GABRG3: variants seen among roughly 807,000 people sequenced by gnomAD.
GABRG3 encodes the protein gamma-aminobutyric acid receptor subunit gamma-3.
In GABRG3, 25 loss-of-function variants were observed where a neutral mutation model predicts 48.8. The ratio of observed to expected loss-of-function variants is 0.51; its 90% CI spans 0.37 to 0.72. The LOEUF is 0.72. Ranked by LOEUF, GABRG3 falls within the 30% of genes least tolerant of loss-of-function variation. The pLI is 0.00. For synonymous variants in GABRG3, 227 were observed against 217.6 expected (o/e 1.04, Z -0.38); for missense variants, 394 against 577.9 (o/e 0.68, Z 3.26).
rs150063960 is a variant in GABRG3, at chr15:27,275,695, A to G, written c.271-51114A>G. 9.2e-4 allele frequency among the ~76,000 whole-genome samples: 140 copies of G among 152,346 alleles called. 1 individual carries two copies. The highest frequency in any genetic ancestry group is 3.1e-3 in the African/African-American group (128 of 41,580). ...AAATGTATCTTCTTGTTAAGAACAG[A>G]CAAATGATCAGTTGTCCTCAGTGTG... On this transcript the variant is annotated intron_variant, in intron 3 of 9. Coordinates refer to ENST00000615808, the MANE Select transcript of GABRG3 (RefSeq NM_033223.5).
chr15:26,997,655 G>A (rs1204147222), intron 2 of GABRG3, among the ~76,000 whole-genome samples: 1 of 152,100 alleles, frequency 6.6e-6, no homozygotes, highest in African/African-American at 2.4e-5. Flanking sequence ...GCCTAGGTCA[G>A]CATTATCTTC....
At chr15:27,343,749 G>A (rs1016636799) in intron 5 of GABRG3, among the ~76,000 whole-genome samples, 3 of 152,280 alleles carry the variant, frequency 2.0e-5, no homozygotes, top group African/African-American at 7.2e-5. Context: ...CTAAAGCCGT[G>A]TCTCAAAGAA....
intron 6 of GABRG3, among the ~76,000 whole-genome samples, chr15:27,504,772 A>G (rs1282326390): frequency 6.6e-6 from 1 of 152,072 alleles, no homozygotes; most frequent in Non-Finnish European, 1.5e-5. Flanking sequence ...CTAGTGATCA[A>G]TTCAGCTTTC....
chr15:27,042,817 C>A (rs1032147766), intron 3 of GABRG3, among the ~76,000 whole-genome samples: 1 of 152,192 alleles, frequency 6.6e-6, no homozygotes, highest in South Asian at 2.1e-4. Context: ...CTGGCCTGTC[C>A]TGGGAAGCTT....
chr15:27,310,236 A>G (rs973417215), intron 3 of GABRG3, among the ~76,000 whole-genome samples: 10 of 152,114 alleles, frequency 6.6e-5, no homozygotes, highest in African/African-American at 2.4e-4. Context: ...AGGGGGTGAT[A>G]GAACTATTGT....
Position 27,532,640 on chromosome 15 carries a change from T to C in GABRG3, c.1163T>C (p.Met388Thr), listed in dbSNP as rs765591737. 2 of 1,614,012 alleles carry C rather than the reference T, an allele frequency of 1.2e-6. No individual in the cohort carries two copies. Among genetic ancestry groups the C allele is most frequent in the East Asian group, 2.2e-5 (1 of 44,882 alleles). ...GACATGAGGCCACCACCAACTGCGA[T>C]GATCACTTTAAACAATTCCGTTTAC... ...LLDMRPPPTAMITLNNSVYWQ... is the reference protein window; with the variant it reads ...LLDMRPPPTATITLNNSVYWQ... The change falls in exon 10 of 10, where the codon ATG becomes ACG. Residue 388 changes from methionine to threonine, a missense_variant. Met to Thr is a moderately conservative substitution (Grantham distance 81). Coordinates refer to ENST00000615808, the MANE Select transcript of GABRG3 (RefSeq NM_033223.5).
At chr15:27,492,247 G>A (rs910706048) in intron 6 of GABRG3, among the ~76,000 whole-genome samples, 10 of 152,288 alleles carry the variant, frequency 6.6e-5, no homozygotes, top group African/African-American at 2.4e-4. Flanking sequence ...AGCTCTCTGA[G>A]TATGTGTCAA....
chr15:27,052,964 C>T (rs997470208), intron 3 of GABRG3, among the ~76,000 whole-genome samples: 4 of 152,082 alleles, frequency 2.6e-5, no homozygotes, highest in Admixed American at 6.6e-5. Flanking sequence ...TAGCCACATG[C>T]GGAAGAATGA....
intron 3 of GABRG3, among the ~76,000 whole-genome samples, chr15:27,245,034 C>A (rs1027281548): frequency 1.3e-5 from 2 of 152,058 alleles, no homozygotes; most frequent in South Asian, 4.1e-4. Flanking sequence ...TCTCACGGGT[C>A]GTGTGGATGA....
At chr15:27,429,599 C>T (rs1168473674) in intron 5 of GABRG3, among the ~76,000 whole-genome samples, 2 of 152,186 alleles carry the variant, frequency 1.3e-5, no homozygotes, top group Admixed American at 6.5e-5. Context: ...TCCCCAGATC[C>T]TGGCAATCAT....
chr15:27,183,204 A>G (rs1887989396), intron 3 of GABRG3, among the ~76,000 whole-genome samples: 1 of 151,954 alleles, frequency 6.6e-6, no homozygotes, highest in Non-Finnish European at 1.5e-5. Flanking sequence ...TCTTTCTAAT[A>G]TGTATCTGAT....
intron 3 of GABRG3, among the ~76,000 whole-genome samples, chr15:27,184,263 C>G (rs1888023835): frequency 6.6e-6 from 1 of 152,134 alleles, no homozygotes; most frequent in South Asian, 2.1e-4. Flanking sequence ...CTGCTGTCTC[C>G]AGGCTGAGAA....
chr15:27,425,200 G>A (rs1888253862), intron 5 of GABRG3, among the ~76,000 whole-genome samples: 1 of 152,118 alleles, frequency 6.6e-6, no homozygotes, highest in Admixed American at 6.5e-5. Context: ...GTATGTACTT[G>A]TGCCCTGGGC....
intron 3 of GABRG3, among the ~76,000 whole-genome samples, chr15:27,269,246 A>G (rs1159234287): frequency 6.6e-6 from 1 of 152,120 alleles, no homozygotes; most frequent in Non-Finnish European, 1.5e-5. Flanking sequence ...TCAGTGTAAT[A>G]TCTACACAAC....
rs962904165 is a variant in GABRG3 at position 27,180,052 on chromosome 15, G to C, written c.271-146757G>C. ...ATGGCCTTCTGCAGAGCCACTGCCT[G>C]ATCGAACATCTCTGTGAGTCTTGGC... On this transcript the variant is annotated intron_variant, in intron 3 of 9. Transcript: ENST00000615808. The surrounding 1 kb of genome is among the most constrained non-coding windows in gnomAD (Gnocchi z 4.2). Among the ~76,000 whole-genome samples the C allele has an allele frequency of 2.6e-5, 4 of 152,178 alleles. No homozygotes were observed. Among genetic ancestry groups the C allele is most frequent in the Non-Finnish European group, 4.4e-5 (3 of 68,038 alleles).
rs915684027 is a variant in GABRG3 at position 26,975,289 on chromosome 15, C to A, written c.54-1713C>A. On this transcript the variant is annotated intron_variant, in intron 1 of 9. Transcript: ENST00000615808. This position sits in a 1 kb window ranked among gnomAD's most constrained non-coding sequence, Gnocchi z 4.6. ...TATTCCTTACTGAATAGGTGCCCCA[C>A]ATTTAAAAATTCCTATCGATCGTGA... 6.6e-6 allele frequency among the ~76,000 whole-genome samples: 1 copy of A among 152,164 alleles called. No homozygotes were observed. The highest frequency in any genetic ancestry group is 1.5e-5 in the Non-Finnish European group (1 of 68,030).
rs57522857 is a variant in GABRG3 at position 27,265,882 on chromosome 15, G to GTTTTTTTTTT, written c.271-60921_271-60912dup. On this transcript the variant is annotated intron_variant, in intron 3 of 9. Coordinates refer to ENST00000615808, the MANE Select transcript of GABRG3 (RefSeq NM_033223.5). ...GCAAGGTCAAGAAGATTTTCTCCTG[G>GTTTTTTTTTT]TTTTTTTTTTTTTTTGAGAGTGACC... is the stretch of plus-strand genomic sequence containing the variant. 2.0e-4 allele frequency among the ~76,000 whole-genome samples: 25 copies of GTTTTTTTTTT among 127,588 alleles called. 1 individual carries two copies. Among genetic ancestry groups the GTTTTTTTTTT allele is most frequent in the South Asian group, 7.7e-4 (3 of 3,918 alleles). The allele number at this position is 127,588 out of a possible 152,430, so 83.7% of individuals were successfully genotyped here.
chr15:27,260,048 T>C (rs1268886083), intron 3 of GABRG3, among the ~76,000 whole-genome samples: 2 of 152,178 alleles, frequency 1.3e-5, no homozygotes, highest in Non-Finnish European at 2.9e-5. Context: ...TGTTGTGTCC[T>C]AATTTCCATC....
At chr15:27,219,834 A>G (rs1435502676) in intron 3 of GABRG3, among the ~76,000 whole-genome samples, 1 of 152,236 alleles carries the variant, frequency 6.6e-6, no homozygotes, top group African/African-American at 2.4e-5. Context: ...ACATGTTTTC[A>G]GAAATGCATT....
Sources: allele counts gnomAD v4.1 joint callset (sites outside exome capture counted in the v4.1 genomes callset), GRCh38; gene constraint gnomAD v4.1.1; non-coding constraint Gnocchi (gnomAD v3.1); transcripts MANE v1.5; gene names NCBI Gene and HGNC (gene_info 2026-07-23, HGNC 2026-07-21).